Variants in CAND1 observed in about 807,000 individuals in gnomAD.
CAND1 encodes the protein cullin-associated NEDD8-dissociated protein 1.
Under a neutral mutation model 108.5 loss-of-function variants are expected in CAND1, and 7 were observed. The observed-to-expected ratio is 0.06, with a 90% CI of 0.04 to 0.12. The LOEUF is 0.12. Ranked by LOEUF, CAND1 falls within the 10% of genes least tolerant of loss-of-function variation. The probability of loss-of-function intolerance (pLI) is 1.00; values close to 1 mark genes in which losing one functional copy is unlikely to be tolerated. For synonymous variants in CAND1, 534 were observed against 512.0 expected, an observed-to-expected ratio of 1.04 and a Z score of -0.58; for missense variants, 941 against 1,448.7, an observed-to-expected ratio of 0.65 and a Z score of 5.69.
In CAND1 at chr12:67,297,517, A is replaced by G. The variant is rs1444439937; in HGVS notation, c.602A>G (p.His201Arg). ...AAAAGAACCATTATCGCTCTTGGCC[A>G]TCTGGTTATGAGCTGTGGAAATATA... ...VRKRTIIALG[H>R]LVMSCGNIVF... Residue 201 changes from histidine (H) to arginine (R), a missense_variant, in exon 5 of 15, where the codon CAT (histidine) becomes CGT (arginine). By Grantham distance (29) the His-to-Arg change is conservative (BLOSUM62 0). Transcript: ENST00000545606. 1.2e-6 allele frequency: 2 copies of G among 1,614,140 alleles called. No individual in the cohort carries two copies. Among genetic ancestry groups the G allele is most frequent in the South Asian group, 1.1e-5 (1 of 91,084 alleles).
chr12:67,317,462 T>A lies in CAND1; in HGVS notation c.*4632T>A, dbSNP rs2045018591. 1 of 150,884 alleles carries A rather than the reference T, an allele frequency of 6.6e-6. No homozygotes were observed. Among genetic ancestry groups the A allele is most frequent in the Admixed American group, 6.6e-5 (1 of 15,144 alleles). 9.3% of individuals were successfully genotyped at this position (150,884 alleles called of 1,614,324 possible). A position where few individuals can be genotyped will look rare whatever the true frequency, so the allele number is the denominator to read the frequency against. Reference sequence around the variant, plus strand: ...GTTGTTGATTTCTTTTTTCTTTTTTTTTCTTTCTTAATTTTTTTTTTTTTT... The same window carrying A: ...GTTGTTGATTTCTTTTTTCTTTTTTATTCTTTCTTAATTTTTTTTTTTTTT... On this transcript the variant is annotated 3_prime_UTR_variant, in exon 15 of 15. Coordinates refer to ENST00000545606, the MANE Select transcript of CAND1 (RefSeq NM_018448.5).
chr12:67,270,445 T>A (rs1400455544), intron 1 of CAND1: 2 of 152,244 alleles, frequency 1.3e-5, no homozygotes, highest in Admixed American at 1.3e-4. Context: ...TCTTGTCAGG[T>A]AAAACCAACT....
intron 11 of CAND1, among the ~76,000 whole-genome samples, chr12:67,308,754 TA>T (rs1405439776): frequency 2.0e-5 from 3 of 152,006 alleles, no homozygotes; most frequent in African/African-American, 7.2e-5. Context: ...AGTATGCAAA[TA>T]AAGGGGAGGG....
chr12:67,283,816 C>T (rs1015696252), intron 2 of CAND1, among the ~76,000 whole-genome samples: 3 of 151,982 alleles, frequency 2.0e-5, no homozygotes, highest in African/African-American at 7.3e-5. Flanking sequence ...TAGTATGTAT[C>T]TTTACTCATT....
chr12:67,282,725 A>C (rs2044631280), intron 2 of CAND1, among the ~76,000 whole-genome samples: 1 of 152,228 alleles, frequency 6.6e-6, no homozygotes, highest in Non-Finnish European at 1.5e-5. Context: ...CTTAATAAAG[A>C]ATAGCAGCAG....
chr12:67,312,879 A>C lies in CAND1; in HGVS notation c.*49A>C. 8.7e-7 allele frequency: 1 copy of C among 1,152,558 alleles called. No individual in the cohort carries two copies. Among genetic ancestry groups the C allele is most frequent in the East Asian group, 2.4e-5 (1 of 41,316 alleles). 71.4% of individuals were successfully genotyped at this position (1,152,558 alleles called of 1,614,324 possible). ...TTACATATGACCATACAATGCACTGAATTGACAGGTTAATCATAAGACATG... is the reference window on the plus strand; with the variant it reads ...TTACATATGACCATACAATGCACTGCATTGACAGGTTAATCATAAGACATG... On this transcript the variant is annotated 3_prime_UTR_variant, in exon 15 of 15. Coordinates refer to ENST00000545606, the MANE Select transcript of CAND1 (RefSeq NM_018448.5).
intron 7 of CAND1, 39 bp downstream of exon 7, chr12:67,299,134 A>C: frequency 6.7e-7 from 1 of 1,482,172 alleles, no homozygotes; most frequent in South Asian, 1.3e-5. Context: ...GTTTTTGTGA[A>C]AGACACTTAT....
At chr12:67,299,995 C>T (rs117732634) in intron 7 of CAND1, among the ~76,000 whole-genome samples, 4 of 152,132 alleles carry the variant, frequency 2.6e-5, no homozygotes, top group African/African-American at 9.7e-5. Context: ...CAGCTGCTGC[C>T]TAGTTTCTCT....
intron 11 of CAND1, 102 bp from the exon 12 acceptor site, chr12:67,309,799 T>G: frequency 1.2e-6 from 1 of 806,232 alleles, no homozygotes; most frequent in Non-Finnish European, 1.9e-6. Flanking sequence ...GAAATAACAA[T>G]GACACCAGCA....
intron 7 of CAND1, among the ~76,000 whole-genome samples, chr12:67,300,107 ACT>A (rs2044809666): frequency 6.6e-6 from 1 of 151,974 alleles, no homozygotes; most frequent in Non-Finnish European, 1.5e-5. Context: ...CAAATGTTTG[ACT>A]CTGCCTATCG....
intron 2 of CAND1, among the ~76,000 whole-genome samples, chr12:67,289,429 C>G (rs909246074): frequency 1.1e-3 from 160 of 152,198 alleles, no homozygotes; most frequent in African/African-American, 3.6e-3. Flanking sequence ...CAACCTGTCA[C>G]CCAGGTGAGG....
intron 10 of CAND1, 69 bp downstream of exon 10, chr12:67,306,666 TAAAG>T (rs975702447): frequency 8.5e-7 from 1 of 1,174,916 alleles, no homozygotes; most frequent in Non-Finnish European, 1.2e-6. Context: ...AGACACCTAA[TAAAG>T]AAGTTAAGCC....
intron 1 of CAND1, among the ~76,000 whole-genome samples, chr12:67,277,920 C>T (rs955013796): frequency 6.6e-6 from 1 of 152,078 alleles, no homozygotes; most frequent in Admixed American, 6.5e-5. Flanking sequence ...AAGATTTGTT[C>T]TCTCCAAAGT....
intron 2 of CAND1, among the ~76,000 whole-genome samples, chr12:67,286,316 A>G (rs1443656778): frequency 6.6e-6 from 1 of 151,984 alleles, no homozygotes; most frequent in Non-Finnish European, 1.5e-5. Flanking sequence ...TGCCGTCTTT[A>G]TTTTTCACTG....
At chr12:67,283,446 G>A (rs2044638620) in intron 2 of CAND1, among the ~76,000 whole-genome samples, 1 of 152,076 alleles carries the variant, frequency 6.6e-6, no homozygotes, top group Non-Finnish European at 1.5e-5. Context: ...AGCCAGGCAT[G>A]GTGGTGCATG....
chr12:67,305,591 G>A lies in CAND1; in HGVS notation c.1923G>A (p.Lys641=), dbSNP rs755563871. The change falls in exon 10 of 15, where the codon AAG becomes AAA. Residue 641 remains lysine, a synonymous_variant. Coordinates refer to ENST00000545606, the MANE Select transcript of CAND1 (RefSeq NM_018448.5). The surrounding 1 kb of genome is among the most constrained non-coding windows in gnomAD (Gnocchi z 4.4). ...CACTGATTGCTGGGTCACCTTTGAA[G>A]ATAGATTTGAGGCCTGTTCTGGGAG... The part of the protein sequence containing the change: ...ALTLIAGSPL[K]IDLRPVLGEG... 1.2e-6 allele frequency: 2 copies of A among 1,614,044 alleles called. No individual in the cohort carries two copies. Among genetic ancestry groups the A allele is most frequent in the Admixed American group, 1.7e-5 (1 of 59,992 alleles).
At chr12:67,310,122 A>G in intron 12 of CAND1, 30 bp from the exon 13 acceptor site, 4 of 1,610,470 alleles carry the variant, frequency 2.5e-6, no homozygotes, top group Non-Finnish European at 3.4e-6. Context: ...TAAGTATTGT[A>G]TATCCACACG....
intron 7 of CAND1, among the ~76,000 whole-genome samples, chr12:67,299,944 C>G (rs1269243107): frequency 1.3e-5 from 2 of 152,116 alleles, no homozygotes; most frequent in Non-Finnish European, 2.9e-5. Flanking sequence ...CTTTAAAAAA[C>G]AAGTACCAAA....
chr12:67,277,694 C>G (rs1283306595), intron 1 of CAND1, among the ~76,000 whole-genome samples: 4 of 152,180 alleles, frequency 2.6e-5, no homozygotes, highest in Admixed American at 2.6e-4. Flanking sequence ...ACTCGACACT[C>G]ATCCAAATGA....
Sources: allele counts gnomAD v4.1 joint callset (sites outside exome capture counted in the v4.1 genomes callset), GRCh38; gene constraint gnomAD v4.1.1; non-coding constraint Gnocchi (gnomAD v3.1); transcripts MANE v1.5; gene names NCBI Gene and HGNC (gene_info 2026-07-23, HGNC 2026-07-21).